Variants in CSMD1 observed in about 807,000 individuals in gnomAD.
CSMD1 encodes the protein CUB and Sushi multiple domains 1, also known as CUB and sushi domain-containing protein 1.
CSMD1 carries 213 observed loss-of-function variants against 417.5 expected under a neutral mutation model. The ratio of observed to expected loss-of-function variants is 0.51; its 90% CI spans 0.46 to 0.57. The LOEUF is 0.57. CSMD1 is among the 20% of genes least tolerant of loss of function. The pLI is 0.00. For missense variants in CSMD1, 6,923 were observed against 4,529.7 expected (o/e 1.53, Z -15.17); for synonymous variants, 2,862 against 1,736.8 (o/e 1.65, Z -16.11).
chr8:4,621,304 C>T (rs1177574994), intron 2 of CSMD1, among the ~76,000 whole-genome samples: 1 of 152,008 alleles, frequency 6.6e-6, no homozygotes, highest in East Asian at 1.9e-4. Flanking sequence ...ATATGCAACT[C>T]ATCAAAGAAG....
chr8:2,946,712 GT>G lies in CSMD1; in HGVS notation c.10402+2586del, dbSNP rs1802264853. 3.3e-5 allele frequency among the ~76,000 whole-genome samples: 5 copies of G among 152,156 alleles called. No individual in the cohort carries two copies. In the South Asian group the frequency reaches 1.0e-3, roughly 32 times the overall value. The stretch of plus-strand genomic sequence containing the variant: ...TGCTGCTCTAAGCATTCATGTACAA[GT>G]TTTGTGTGACATATTTTTCAGTTCT... On this transcript the variant is annotated intron_variant, in intron 68 of 69. Coordinates refer to ENST00000635120, the MANE Select transcript of CSMD1 (RefSeq NM_033225.6).
intron 23 of CSMD1, among the ~76,000 whole-genome samples, chr8:3,335,448 C>T (rs760127134): frequency 7.9e-5 from 12 of 152,112 alleles, no homozygotes; most frequent in Non-Finnish European, 1.5e-4. Flanking sequence ...GAGGCCAAGG[C>T]GGGTGGATCA....
intron 3 of CSMD1, among the ~76,000 whole-genome samples, chr8:4,227,135 T>C (rs1801408272): frequency 6.6e-6 from 1 of 152,156 alleles, no homozygotes; most frequent in South Asian, 2.1e-4. Context: ...AGAAGGGTTT[T>C]TTAGCCCAGA....
intron 1 of CSMD1, among the ~76,000 whole-genome samples, chr8:4,794,542 C>T (rs573318676): frequency 6.6e-6 from 1 of 152,240 alleles, no homozygotes; most frequent in East Asian, 1.9e-4. Flanking sequence ...GACTCTCCCT[C>T]CCCCACGTCC....
chr8:3,490,473 C>G (rs1238051591), intron 11 of CSMD1, among the ~76,000 whole-genome samples: 1 of 152,124 alleles, frequency 6.6e-6, no homozygotes, highest in Non-Finnish European at 1.5e-5. Flanking sequence ...AACAATTTTT[C>G]TCATTTATTT....
At chr8:3,452,949 G>T (rs1272987515) in intron 12 of CSMD1, among the ~76,000 whole-genome samples, 1 of 152,094 alleles carries the variant, frequency 6.6e-6, no homozygotes, top group African/African-American at 2.4e-5. Context: ...TCCGTTTCTG[G>T]ACTTTTTTTG....
At position 3,832,326 on chromosome 8, in the gene CSMD1, G is replaced by C. The variant is rs147975200; in HGVS notation, c.819-78284C>G. Among the ~76,000 whole-genome samples, 15 of 152,190 alleles carry C rather than the reference G, an allele frequency of 9.9e-5. No homozygotes were observed. In the South Asian group the frequency reaches 2.3e-3, roughly 23 times the overall value. ...CCGTTAAAACGCAATGATGTTCCTT[G>C]TTCAAAATATATACCGCAAATCTCC... On this transcript the variant is annotated intron_variant, in intron 5 of 69. Coordinates refer to ENST00000635120, the MANE Select transcript of CSMD1 (RefSeq NM_033225.6).
chr8:3,500,423 G>C (rs139094863), intron 10 of CSMD1, among the ~76,000 whole-genome samples: 1 of 152,124 alleles, frequency 6.6e-6, no homozygotes, highest in Non-Finnish European at 1.5e-5. Context: ...TTCACGACCA[G>C]ACACACAGAA....
chr8:3,594,594 G>C (rs1299246629), intron 8 of CSMD1, among the ~76,000 whole-genome samples: 1 of 152,128 alleles, frequency 6.6e-6, no homozygotes, highest in Admixed American at 6.5e-5. Flanking sequence ...TTTTGAAGTT[G>C]CACGGTGTCC....
chr8:4,695,975 G>C (rs1807101622), intron 1 of CSMD1, among the ~76,000 whole-genome samples: 1 of 152,178 alleles, frequency 6.6e-6, no homozygotes, highest in Non-Finnish European at 1.5e-5. Context: ...GGGTTCCGGA[G>C]GGAGAATGCC....
At chr8:3,301,312 G>C (rs981082842) in intron 25 of CSMD1, among the ~76,000 whole-genome samples, 1 of 152,098 alleles carries the variant, frequency 6.6e-6, no homozygotes, top group Non-Finnish European at 1.5e-5. Flanking sequence ...ACCAGGTGGT[G>C]GGCAGGGAGG....
At chr8:4,568,486 T>C (rs1015997258) in intron 2 of CSMD1, among the ~76,000 whole-genome samples, 2 of 152,218 alleles carry the variant, frequency 1.3e-5, no homozygotes, top group Admixed American at 6.5e-5. Context: ...TTCCATGGTG[T>C]ATATATGCCA....
chr8:4,406,812 C>T (rs954955122), intron 3 of CSMD1, among the ~76,000 whole-genome samples: 1 of 152,174 alleles, frequency 6.6e-6, no homozygotes, highest in South Asian at 2.1e-4. Context: ...AGGTGACTAA[C>T]AAAGTTGTCT....
intron 2 of CSMD1, among the ~76,000 whole-genome samples, chr8:4,567,714 C>T (rs2693792): frequency 0.85 from 128,813 of 152,096 alleles, 54,606 homozygotes; most frequent in Non-Finnish European, 0.87. Flanking sequence ...GGGCCAATTC[C>T]AATGTTACTT....
chr8:4,786,345 T>G (rs987778101), intron 1 of CSMD1, among the ~76,000 whole-genome samples: 1 of 152,206 alleles, frequency 6.6e-6, no homozygotes, highest in Non-Finnish European at 1.5e-5. Flanking sequence ...GGTATAATAT[T>G]TTACAGCAGT....
chr8:3,773,200 T>C (rs981526011), intron 5 of CSMD1, among the ~76,000 whole-genome samples: 6 of 152,214 alleles, frequency 3.9e-5, no homozygotes, highest in African/African-American at 1.4e-4. Flanking sequence ...ATTTAGACGA[T>C]GGCATGTACT....
At chr8:3,224,778 T>C (rs1387463396) in intron 27 of CSMD1, among the ~76,000 whole-genome samples, 1 of 152,222 alleles carries the variant, frequency 6.6e-6, no homozygotes, top group African/African-American at 2.4e-5. Flanking sequence ...TGTTCTTGAA[T>C]TGGAAAGTAT....
chr8:3,474,753 A>C (rs1191384670), intron 11 of CSMD1, among the ~76,000 whole-genome samples: 2 of 152,198 alleles, frequency 1.3e-5, no homozygotes, highest in African/African-American at 2.4e-5. Flanking sequence ...ATACTTTAAC[A>C]TTCATCAAAA....
At chr8:4,136,791 A>T (rs7824138) in intron 3 of CSMD1, among the ~76,000 whole-genome samples, 62,631 of 152,016 alleles carry the variant, frequency 0.41, 13,277 homozygotes, top group Admixed American at 0.49. Context: ...TGTTGGACTC[A>T]ATAATTTGTA....
Sources: allele counts gnomAD v4.1 joint callset (sites outside exome capture counted in the v4.1 genomes callset), GRCh38; gene constraint gnomAD v4.1.1; transcripts MANE v1.5; gene names NCBI Gene and HGNC (gene_info 2026-07-23, HGNC 2026-07-21).